Variants in PRTFDC1 observed in about 807,000 individuals in gnomAD.
PRTFDC1 encodes the protein phosphoribosyl transferase domain containing 1.
PRTFDC1 carries 38 observed loss-of-function variants against 34.6 expected under a neutral mutation model. The ratio of observed to expected loss-of-function variants is 1.10; its 90% CI spans 0.85 to 1.44. The LOEUF (loss-of-function observed/expected upper bound fraction) is 1.44. PRTFDC1 is among the 40% of genes most tolerant of loss of function. The pLI is 0.00. For synonymous variants in PRTFDC1, 93 were observed against 98.1 expected (o/e 0.95, Z 0.31); for missense variants, 270 against 283.0 (o/e 0.95, Z 0.33).
rs10651020 is a variant in PRTFDC1 at position 24,882,204 on chromosome 10, C to CAAAAAAAA, written c.340-10149_340-10142dup. Among the ~76,000 whole-genome samples, 77 of 107,496 alleles carry CAAAAAAAA rather than the reference C, an allele frequency of 7.2e-4. 2 individuals are homozygous for CAAAAAAAA. Among genetic ancestry groups the CAAAAAAAA allele is most frequent in the African/African-American group, 8.7e-4 (23 of 26,404 alleles). The allele number at this position is 107,496 out of a possible 152,430, so 70.5% of individuals were successfully genotyped here. A position where few individuals can be genotyped will look rare whatever the true frequency, so the allele number is the denominator to read the frequency against. On this transcript the variant is annotated intron_variant, in intron 3 of 8. Transcript: ENST00000320152. ...CCTGGGTGACAGAGCGGATCTGCCTCAAAAAAAAAAAAAAAGAAAAGAAAA... is the reference window on the plus strand; with the variant it reads ...CCTGGGTGACAGAGCGGATCTGCCTCAAAAAAAAAAAAAAAAAAAAAAAGAAAAGAAAA...
chr10:24,871,530 C>A (rs770454853), intron 4 of PRTFDC1, among the ~76,000 whole-genome samples: 36 of 151,814 alleles, frequency 2.4e-4, no homozygotes, highest in Non-Finnish European at 5.1e-4. Context: ...GAAAAAAAGG[C>A]AAAGTGCTGA....
At chr10:24,909,083 C>G (rs1454868163) in intron 3 of PRTFDC1, among the ~76,000 whole-genome samples, 2 of 152,184 alleles carry the variant, frequency 1.3e-5, no homozygotes, top group African/African-American at 4.8e-5. Flanking sequence ...GAGCTCAAAA[C>G]CTTCCTGGGC....
chr10:24,937,856 C>A (rs933880013), intron 2 of PRTFDC1, among the ~76,000 whole-genome samples: 1 of 151,982 alleles, frequency 6.6e-6, no homozygotes, highest in Non-Finnish European at 1.5e-5. Context: ...CCATGCCTGG[C>A]AGTATTTACT....
At chr10:24,910,817 T>C (rs550334621) in intron 3 of PRTFDC1, among the ~76,000 whole-genome samples, 1 of 151,166 alleles carries the variant, frequency 6.6e-6, no homozygotes, top group Non-Finnish European at 1.5e-5. Flanking sequence ...AAAGAAAATT[T>C]AAAAAAAATT....
intron 1 of PRTFDC1, among the ~76,000 whole-genome samples, chr10:24,947,414 AG>A (rs1849266751): frequency 6.6e-6 from 1 of 152,204 alleles, no homozygotes; most frequent in African/African-American, 2.4e-5. Context: ...AATCAAAACC[AG>A]AGTCTGTAGA....
chr10:24,896,406 A>T (rs1361615851), intron 3 of PRTFDC1, among the ~76,000 whole-genome samples: 1 of 152,164 alleles, frequency 6.6e-6, no homozygotes, highest in Non-Finnish European at 1.5e-5. Context: ...GCTGTCTTCC[A>T]CAAAACTGGT....
At chr10:24,908,114 G>A (rs181607086) in intron 3 of PRTFDC1, among the ~76,000 whole-genome samples, 118 of 152,166 alleles carry the variant, frequency 7.8e-4, no homozygotes, top group Non-Finnish European at 4.1e-4. Context: ...GTTGAATAAG[G>A]CCTTTTATAG....
chr10:24,916,094 T>C (rs1848691061), intron 3 of PRTFDC1, among the ~76,000 whole-genome samples: 1 of 152,166 alleles, frequency 6.6e-6, no homozygotes. Context: ...GTTTATACAC[T>C]TGCTCAGGCC....
chr10:24,853,897 A>T (rs1847532889), intron 7 of PRTFDC1, among the ~76,000 whole-genome samples: 1 of 152,216 alleles, frequency 6.6e-6, no homozygotes, highest in African/African-American at 2.4e-5. Flanking sequence ...GTAGTGGAAG[A>T]GTCAGGGCAG....
At chr10:24,874,924 G>A (rs1044735222) in intron 3 of PRTFDC1, among the ~76,000 whole-genome samples, 1 of 152,112 alleles carries the variant, frequency 6.6e-6, no homozygotes, top group Non-Finnish European at 1.5e-5. Context: ...GAGTTCTCAC[G>A]AAATATGATG....
At chr10:24,886,676 A>G (rs1429381549) in intron 3 of PRTFDC1, among the ~76,000 whole-genome samples, 1 of 152,126 alleles carries the variant, frequency 6.6e-6, no homozygotes, top group African/African-American at 2.4e-5. Context: ...CAACGGTGCT[A>G]TCATAGCTCA....
intron 3 of PRTFDC1, among the ~76,000 whole-genome samples, chr10:24,903,440 T>C (rs1238777381): frequency 6.6e-6 from 1 of 152,214 alleles, no homozygotes; most frequent in Non-Finnish European, 1.5e-5. Context: ...GTGGACACTT[T>C]TCTGAATGTA....
At chr10:24,887,951 G>A (rs11812652) in intron 3 of PRTFDC1, among the ~76,000 whole-genome samples, 32,910 of 152,066 alleles carry the variant, frequency 0.22, 3,955 homozygotes, top group African/African-American at 0.23. Flanking sequence ...TGTAGAGACA[G>A]GGTCTCACTA....
intron 3 of PRTFDC1, among the ~76,000 whole-genome samples, chr10:24,931,583 T>C (rs1464964887): frequency 6.6e-6 from 1 of 151,868 alleles, no homozygotes; most frequent in Admixed American, 6.6e-5. Flanking sequence ...AATAAGGGAA[T>C]ATTATAAACA....
intron 1 of PRTFDC1, among the ~76,000 whole-genome samples, chr10:24,946,752 A>C (rs551899623): frequency 6.6e-6 from 1 of 152,244 alleles, no homozygotes; most frequent in Non-Finnish European, 1.5e-5. Flanking sequence ...ATGAACTGAA[A>C]CATCAATCAT....
intron 3 of PRTFDC1, among the ~76,000 whole-genome samples, chr10:24,876,295 G>A (rs1257159183): frequency 6.6e-6 from 1 of 151,726 alleles, no homozygotes; most frequent in African/African-American, 2.4e-5. Flanking sequence ...TTTCCTGTCT[G>A]GTAGATTGTA....
rs1564316114 is a variant in PRTFDC1 at position 24,929,059 on chromosome 10, AGAAAG to A, written c.339+8120_339+8124del. Among the ~76,000 whole-genome samples, 603 of 134,062 alleles carry A rather than the reference AGAAAG, an allele frequency of 4.5e-3. 95 individuals are homozygous for A. Among genetic ancestry groups the A allele is most frequent in the African/African-American group, 0.017 (548 of 31,638 alleles). The allele number at this position is 134,062 out of a possible 152,430, so 87.9% of individuals were successfully genotyped here. A position where few individuals can be genotyped will look rare whatever the true frequency, so the allele number is the denominator to read the frequency against. ...CCGTCTCAAAAAAAAAAAAAAAGAAAGAAAGAAAGAAAGAAAGGGAGGCTTTCAAT... is the reference window on the plus strand; with the variant it reads ...CCGTCTCAAAAAAAAAAAAAAAGAAAAAAGAAAGAAAGGGAGGCTTTCAAT... On this transcript the variant is annotated intron_variant, in intron 3 of 8. Coordinates refer to ENST00000320152, the MANE Select transcript of PRTFDC1 (RefSeq NM_020200.7).
intron 3 of PRTFDC1, among the ~76,000 whole-genome samples, chr10:24,893,954 A>G (rs1018964749): frequency 4.6e-5 from 7 of 152,142 alleles, no homozygotes; most frequent in Non-Finnish European, 7.4e-5. Context: ...CGTCTATTGG[A>G]ATGTACTTGG....
intron 3 of PRTFDC1, among the ~76,000 whole-genome samples, chr10:24,911,798 C>G (rs1213759433): frequency 2.0e-5 from 3 of 151,864 alleles, no homozygotes; most frequent in African/African-American, 7.3e-5. Context: ...ACCCAGGAGG[C>G]GGAGTTTGCA....
Sources: gnomAD v4.1 joint callset for allele counts (sites outside exome capture counted in the v4.1 genomes callset) on GRCh38, gnomAD v4.1.1 for gene constraint, MANE v1.5 for transcripts, NCBI Gene and HGNC (gene_info 2026-07-23, HGNC 2026-07-21) for gene names.